The following PCSK1 variants were observed in gnomAD, a reference collection of about 807,000 sequenced individuals.
PCSK1 encodes the protein proprotein convertase subtilisin/kexin type 1, also known as neuroendocrine convertase 1.
A neutral mutation model predicts 90.6 loss-of-function variants in PCSK1; 56 were observed. That is an observed-to-expected ratio of 0.62 (90% CI 0.50 to 0.77). The LOEUF is 0.77. Among genes scored for constraint, PCSK1 ranks in the 30% least tolerant of loss-of-function variants. The probability of loss-of-function intolerance (pLI) is 0.00; values close to 1 mark genes in which losing one functional copy is unlikely to be tolerated. For missense variants in PCSK1, 801 were observed against 932.6 expected, an observed-to-expected ratio of 0.86 and a Z score of 1.84; for synonymous variants, 348 against 342.4, an observed-to-expected ratio of 1.02 and a Z score of -0.18.
intron 3 of PCSK1, 106 bp from the exon 4 acceptor site, chr5:96,423,565 A>G (rs1761192458): frequency 9.9e-7 from 1 of 1,012,888 alleles, no homozygotes; most frequent in South Asian, 1.3e-5. Context: ...TCCTTGGGTC[A>G]CTCTACTCTT....
intron 6 of PCSK1, 66 bp from the exon 7 acceptor site, chr5:96,412,556 A>C: frequency 7.3e-7 from 1 of 1,362,174 alleles, no homozygotes; most frequent in Non-Finnish European, 1.0e-6. Flanking sequence ...CAAAAGCCCA[A>C]TACTCTTACT....
At position 96,395,043 on chromosome 5, in the gene PCSK1, C is replaced by T. The variant is rs747009047; in HGVS notation, c.1723-18G>A. 4 of 1,581,606 alleles carry T rather than the reference C, an allele frequency of 2.5e-6. No individual in the cohort carries two copies. Among genetic ancestry groups the T allele is most frequent in the Non-Finnish European group, 3.5e-6 (4 of 1,150,406 alleles). ...CTTCCAGACTAACAAATAAGCATAC[C>T]TACATTTAGTATGTGTTTTAGATAA... On this transcript the variant is annotated intron_variant, in intron 12 of 13. Coordinates refer to ENST00000311106, the MANE Select transcript of PCSK1 (RefSeq NM_000439.5).
chr5:96,393,920 A>G (rs922921402), intron 13 of PCSK1, among the ~76,000 whole-genome samples: 2 of 152,200 alleles, frequency 1.3e-5, no homozygotes, highest in African/African-American at 4.8e-5. Context: ...AGAGAAGCCA[A>G]CCTTGGCCAA....
rs1759926055 is a variant in PCSK1, at chr5:96,391,180, T to C, written c.*1821A>G. 2 of 152,230 alleles carry C rather than the reference T, an allele frequency of 1.3e-5. No homozygotes were observed. The highest frequency in any genetic ancestry group is 2.9e-5 in the Non-Finnish European group (2 of 68,044). The allele number at this position is 152,230 out of a possible 1,614,324, so 9.4% of individuals were successfully genotyped here. On this transcript the variant is annotated 3_prime_UTR_variant, in exon 14 of 14. Coordinates refer to ENST00000311106, the MANE Select transcript of PCSK1 (RefSeq NM_000439.5). ...ATTCCGCAAGTCTTTTAGGAGAACA[T>C]TCTCTAAGCATTACGGGCATTGCTC...
At chr5:96,425,728 T>TAA in intron 3 of PCSK1, 92 bp downstream of exon 3, 36 of 654,902 alleles carry the variant, frequency 5.5e-5, no homozygotes, top group Admixed American at 9.4e-5. Context: ...TTCTCCATCA[T>TAA]AAAAAAAAAA....
chr5:96,395,742 T>A (rs557096818), intron 12 of PCSK1, among the ~76,000 whole-genome samples: 18 of 152,314 alleles, frequency 1.2e-4, no homozygotes, highest in African/African-American at 4.1e-4. Context: ...TATACCTATG[T>A]AACAAACCTG....
intron 10 of PCSK1, 99 bp from the exon 11 acceptor site, chr5:96,399,135 A>G: frequency 3.5e-6 from 3 of 857,412 alleles, no homozygotes; most frequent in Non-Finnish European, 5.7e-6. Flanking sequence ...ATGCTCAACT[A>G]AGCTTTTTGT....
At chr5:96,409,766 C>A (rs549103353) in intron 8 of PCSK1, among the ~76,000 whole-genome samples, 1 of 152,186 alleles carries the variant, frequency 6.6e-6, no homozygotes, top group Non-Finnish European at 1.5e-5. Context: ...TAAAACCCCT[C>A]GGTAGAATGC....
chr5:96,423,554 T>C (rs1449078984), intron 3 of PCSK1, 95 bp from the exon 4 acceptor site: 1 of 1,128,528 alleles, frequency 8.9e-7, no homozygotes, highest in African/African-American at 1.5e-5. Context: ...ATCTTTCTTT[T>C]TCCTTGGGTC....
At chr5:96,412,752 GTTTTTTTTTTTT>G (rs57397343) in intron 6 of PCSK1, among the ~76,000 whole-genome samples, 3 of 71,832 alleles carry the variant, frequency 4.2e-5, no homozygotes, top group African/African-American at 2.7e-4. Flanking sequence ...CAGCTGTGAT[GTTTTTTTTTTTT>G]TTTTTTTTTT....
intron 1 of PCSK1, among the ~76,000 whole-genome samples, chr5:96,431,894 C>T (rs1761513081): frequency 6.6e-6 from 1 of 152,006 alleles, no homozygotes; most frequent in South Asian, 2.1e-4. Context: ...GGCTTGATTC[C>T]GAGCCAAGGA....
intron 9 of PCSK1, among the ~76,000 whole-genome samples, chr5:96,401,064 G>T: frequency 1.6e-5 from 2 of 122,942 alleles, no homozygotes; most frequent in Non-Finnish European, 3.2e-5. Context: ...TCCGGCCTGG[G>T]CTAAAGAGCG....
rs1424846975 is a variant in PCSK1 at position 96,399,953 on chromosome 5, C to T, written c.1430G>A (p.Arg477Lys). 6.2e-7 allele frequency: 1 copy of T among 1,609,198 alleles called. No individual in the cohort carries two copies. Among genetic ancestry groups the T allele is most frequent in the Admixed American group, 1.7e-5 (1 of 60,008 alleles). ...GTTTAAAATTCCAGGAGATACTTAC[C>T]TGGGCTCAAAGTCATTGTCCTTTAC... ...CVVKDNDFEP[R>K]ALKANGEVII... The change falls in exon 10 of 14, where the codon AGA becomes AAA. Residue 477 changes from arginine (R) to lysine (K), a missense_variant and splice_region_variant. By Grantham distance (26) the Arg-to-Lys change is conservative. Coordinates refer to ENST00000311106, the MANE Select transcript of PCSK1 (RefSeq NM_000439.5).
chr5:96,422,335 A>T (rs1377773226), intron 4 of PCSK1, among the ~76,000 whole-genome samples: 2 of 152,166 alleles, frequency 1.3e-5, no homozygotes, highest in African/African-American at 4.8e-5. Context: ...CTAGTTAGTG[A>T]CACTTTGACA....
chr5:96,429,081 T>C, intron 2 of PCSK1, 132 bp downstream of exon 2: 1 of 619,046 alleles, frequency 1.6e-6, no homozygotes, highest in Non-Finnish European at 2.9e-6. Context: ...AAATTAGAAA[T>C]AATACAGATA....
chr5:96,417,796 T>C (rs990451829), intron 5 of PCSK1, among the ~76,000 whole-genome samples: 4 of 152,206 alleles, frequency 2.6e-5, no homozygotes, highest in African/African-American at 9.6e-5. Context: ...CTGAGAAAAG[T>C]GCACACATCT....
chr5:96,392,871 AAAAG>A lies in PCSK1; in HGVS notation c.*126_*129del. On this transcript the variant is annotated 3_prime_UTR_variant, in exon 14 of 14. Coordinates refer to ENST00000311106, the MANE Select transcript of PCSK1 (RefSeq NM_000439.5). ...CCTTCACATGTACAGTTTAGGGAGA[AAAAG>A]AAAAGGTGCCACAAAGGATATTATA... 1 of 951,008 alleles carries A rather than the reference AAAAG, an allele frequency of 1.1e-6. No individual in the cohort carries two copies. Among genetic ancestry groups the A allele is most frequent in the Admixed American group, 1.8e-5 (1 of 54,334 alleles). The allele number at this position is 951,008 out of a possible 1,614,324, so 58.9% of individuals were successfully genotyped here.
rs550265206 is a variant in PCSK1 at position 96,405,036 on chromosome 5, G to C, written c.1196+3187C>G. Among the ~76,000 whole-genome samples, 25 of 152,172 alleles carry C rather than the reference G, an allele frequency of 1.6e-4. No individual in the cohort carries two copies. The South Asian group carries it at 5.2e-3, about 32-fold the overall frequency. On this transcript the variant is annotated intron_variant, in intron 9 of 13. Coordinates refer to ENST00000311106, the MANE Select transcript of PCSK1 (RefSeq NM_000439.5). ...GATTTTCTCATTCTTGAGTGCCTTG[G>C]GATAAAGCTTGGTCACATGTCTAGA...
intron 8 of PCSK1, 64 bp from the exon 9 acceptor site, chr5:96,408,387 G>A (rs1760644007): frequency 8.7e-7 from 1 of 1,143,630 alleles, no homozygotes; most frequent in African/African-American, 1.5e-5. Context: ...GCCTGTCTTG[G>A]GGGTTAACTG....
Sources: gnomAD v4.1 joint callset for allele counts (sites outside exome capture counted in the v4.1 genomes callset) on GRCh38, gnomAD v4.1.1 for gene constraint, MANE v1.5 for transcripts, NCBI Gene and HGNC (gene_info 2026-07-23, HGNC 2026-07-21) for gene names.